Variants in NPAS3 observed in about 807,000 individuals in gnomAD.
NPAS3 encodes the protein neuronal PAS domain-containing protein 3.
NPAS3 carries 14 observed loss-of-function variants against 73.1 expected under a neutral mutation model. The ratio of observed to expected loss-of-function variants is 0.19; its 90% CI spans 0.13 to 0.30. The LOEUF (loss-of-function observed/expected upper bound fraction) is 0.30, where lower values mean the gene tolerates loss of function less well. Ranked by LOEUF, NPAS3 falls within the 10% of genes least tolerant of loss-of-function variation. The pLI is 1.00. For missense variants in NPAS3, 1,096 were observed against 1,250.0 expected (o/e 0.88, Z 1.86); for synonymous variants, 620 against 541.5 (o/e 1.14, Z -2.01).
intron 1 of NPAS3, among the ~76,000 whole-genome samples, chr14:32,964,867 G>A (rs962373699): frequency 3.3e-5 from 5 of 152,016 alleles, no homozygotes; most frequent in Admixed American, 2.0e-4. Flanking sequence ...CAACTAGGGA[G>A]GCTGAGGTGG....
At chr14:33,210,237 C>T (rs2046980888) in intron 2 of NPAS3, among the ~76,000 whole-genome samples, 1 of 152,074 alleles carries the variant, frequency 6.6e-6, no homozygotes, top group South Asian at 2.1e-4. Context: ...TCTTTTTTTC[C>T]CACTGTGGAC....
intron 3 of NPAS3, among the ~76,000 whole-genome samples, chr14:33,244,822 C>T (rs2048324967): frequency 6.6e-6 from 1 of 152,188 alleles, no homozygotes; most frequent in South Asian, 2.1e-4. Context: ...CCATAGGTGT[C>T]AACTTGAGTG....
chr14:33,270,334 C>A (rs1027839389), intron 3 of NPAS3, among the ~76,000 whole-genome samples: 5 of 152,054 alleles, frequency 3.3e-5, no homozygotes, highest in South Asian at 4.1e-4. Flanking sequence ...TAGAAAGGCA[C>A]CCCAACACCG....
At chr14:33,127,968 C>G (rs977270115) in intron 2 of NPAS3, among the ~76,000 whole-genome samples, 1 of 152,084 alleles carries the variant, frequency 6.6e-6, no homozygotes, top group African/African-American at 2.4e-5. Flanking sequence ...AAATATTTGG[C>G]CTCGACTTGT....
intron 3 of NPAS3, among the ~76,000 whole-genome samples, chr14:33,270,162 C>T (rs2041004596): frequency 6.6e-6 from 1 of 152,148 alleles, no homozygotes; most frequent in African/African-American, 2.4e-5. Context: ...TATTCCCCTA[C>T]CACCCTCTCC....
chr14:33,580,643 T>A (rs1164241876), intron 5 of NPAS3, among the ~76,000 whole-genome samples: 2 of 152,106 alleles, frequency 1.3e-5, no homozygotes, highest in Admixed American at 6.5e-5. Flanking sequence ...GAGGAAATAA[T>A]CTTTACGACT....
At chr14:33,496,030 A>T (rs914206030) in intron 4 of NPAS3, among the ~76,000 whole-genome samples, 1 of 152,092 alleles carries the variant, frequency 6.6e-6, no homozygotes, top group South Asian at 2.1e-4. Flanking sequence ...TATCACCACT[A>T]ATCCCACAGA....
intron 9 of NPAS3, among the ~76,000 whole-genome samples, chr14:33,792,149 T>C (rs958333320): frequency 1.3e-5 from 2 of 152,164 alleles, no homozygotes; most frequent in African/African-American, 4.8e-5. Flanking sequence ...CCACGCAGTT[T>C]TGTAGCCTGG....
intron 6 of NPAS3, among the ~76,000 whole-genome samples, chr14:33,691,845 G>C (rs1374394717): frequency 1.3e-5 from 2 of 152,098 alleles, no homozygotes; most frequent in Non-Finnish European, 2.9e-5. Flanking sequence ...TTTTAAAATA[G>C]ATAAGAGCAT....
chr14:33,021,950 G>T (rs757408655), intron 1 of NPAS3, among the ~76,000 whole-genome samples: 2 of 152,104 alleles, frequency 1.3e-5, no homozygotes, highest in African/African-American at 2.4e-5. Context: ...CATCCCCATT[G>T]CACTGATGAG....
chr14:33,127,363 T>G lies in NPAS3; in HGVS notation c.140+71369T>G, dbSNP rs182384437. Among the ~76,000 whole-genome samples the G allele has an allele frequency of 1.6e-4, 25 of 152,290 alleles. 1 individual carries two copies. In the East Asian group the frequency reaches 4.6e-3, roughly 28 times the overall value. Reference sequence around the variant, plus strand: ...TGTGTAGAATTTGGCCAGATGATTTTTCTGCATATATTGAGAATATGTCCT... The same window carrying G: ...TGTGTAGAATTTGGCCAGATGATTTGTCTGCATATATTGAGAATATGTCCT... On this transcript the variant is annotated intron_variant, in intron 2 of 11. Transcript: ENST00000356141.
intron 5 of NPAS3, among the ~76,000 whole-genome samples, chr14:33,616,098 G>A (rs2057908148): frequency 6.6e-6 from 1 of 152,156 alleles, no homozygotes; most frequent in Non-Finnish European, 1.5e-5. Context: ...CTGGGATGAA[G>A]ATATTAGCTA....
intron 4 of NPAS3, among the ~76,000 whole-genome samples, chr14:33,420,484 G>A (rs149251688): frequency 1.1e-3 from 168 of 151,934 alleles, no homozygotes; most frequent in African/African-American, 3.7e-3. Flanking sequence ...AGCTTATTTA[G>A]ACCTGTGGTT....
chr14:33,301,278 A>G (rs1229075715), intron 3 of NPAS3, among the ~76,000 whole-genome samples: 1 of 140,224 alleles, frequency 7.1e-6, no homozygotes, highest in East Asian at 2.0e-4. Flanking sequence ...CATTCAGGCC[A>G]CCTCTAAACC....
intron 4 of NPAS3, among the ~76,000 whole-genome samples, chr14:33,526,636 A>G (rs890678601): frequency 4.0e-5 from 6 of 151,670 alleles, no homozygotes; most frequent in Admixed American, 2.0e-4. Flanking sequence ...GGAAAAAATC[A>G]AACTAGTAGT....
At chr14:33,391,153 A>G (rs1473512564) in intron 4 of NPAS3, among the ~76,000 whole-genome samples, 1 of 150,928 alleles carries the variant, frequency 6.6e-6, no homozygotes, top group Admixed American at 6.6e-5. Context: ...AATAATAGAC[A>G]TTTAAACAAA....
At chr14:33,553,028 G>A (rs1022360869) in intron 4 of NPAS3, among the ~76,000 whole-genome samples, 1 of 152,192 alleles carries the variant, frequency 6.6e-6, no homozygotes, top group East Asian at 1.9e-4. Flanking sequence ...GCTCACCTGT[G>A]CTCCAAATGG....
At chr14:33,233,467 T>G (rs2047925049) in intron 3 of NPAS3, among the ~76,000 whole-genome samples, 1 of 152,154 alleles carries the variant, frequency 6.6e-6, no homozygotes, top group African/African-American at 2.4e-5. Context: ...TCCTGCATTT[T>G]AGGTTGCTAA....
intron 4 of NPAS3, among the ~76,000 whole-genome samples, chr14:33,399,330 T>A (rs909377283): frequency 2.6e-5 from 4 of 152,102 alleles, no homozygotes; most frequent in Admixed American, 2.6e-4. Flanking sequence ...TCATTTTTTT[T>A]TCTTAAGGAA....
Sources: allele counts gnomAD v4.1 joint callset (sites outside exome capture counted in the v4.1 genomes callset), GRCh38; gene constraint gnomAD v4.1.1; transcripts MANE v1.5; gene names NCBI Gene and HGNC (gene_info 2026-07-23, HGNC 2026-07-21).